Variants in CFAP96 observed in about 807,000 individuals in gnomAD.
The protein encoded by CFAP96 is cilia and flagella associated protein 96.
At chr4:185,425,285 T>C in the CFAP96 span, among the ~76,000 whole-genome samples, 2 of 152,008 alleles carry the variant, frequency 1.3e-5, no homozygotes, top group Non-Finnish European at 2.9e-5. Flanking sequence ...GAAGTGGAAA[T>C]GCTCAGTTTG....
chr4:185,418,886 C>A, the CFAP96 span: 1 of 784,134 alleles, frequency 1.3e-6, no homozygotes, highest in Non-Finnish European at 1.8e-6. Flanking sequence ...TCCCCATATT[C>A]AATAATAATT....
the CFAP96 span, among the ~76,000 whole-genome samples, chr4:185,428,556 TA>T: frequency 0.24 from 34,205 of 143,160 alleles, 4,809 homozygotes; most frequent in African/African-American, 0.41. Context: ...TGGGACTGTC[TA>T]AAAAAAAAAA....
the CFAP96 span, chr4:185,415,350 G>A: frequency 6.4e-7 from 1 of 1,567,686 alleles, no homozygotes; most frequent in Non-Finnish European, 8.6e-7. Flanking sequence ...TACGAACTCT[G>A]TGGGGGGAAA....
At chr4:185,448,036 T>C in the CFAP96 span, among the ~76,000 whole-genome samples, 512 of 152,308 alleles carry the variant, frequency 3.4e-3, 3 homozygotes, top group Admixed American at 5.8e-3. Flanking sequence ...TTTTCCTTTT[T>C]TGAGATGGAG....
chr4:185,438,107 A>T, the CFAP96 span, among the ~76,000 whole-genome samples: 1 of 151,050 alleles, frequency 6.6e-6, no homozygotes, highest in Non-Finnish European at 1.5e-5. Flanking sequence ...AGCTTCTTGG[A>T]TCTATGGGTT....
the CFAP96 span, chr4:185,445,491 C>T: frequency 6.9e-5 from 108 of 1,565,832 alleles, 2 homozygotes; most frequent in South Asian, 3.8e-4. Context: ...TCTTAGCAAT[C>T]TTGAGGAATC....
chr4:185,445,137 A>C, the CFAP96 span: 3 of 1,550,468 alleles, frequency 1.9e-6, no homozygotes, highest in Non-Finnish European at 2.6e-6. Flanking sequence ...GAAGGTGGGA[A>C]TATCTTACAC....
the CFAP96 span, chr4:185,416,051 G>A: frequency 2.3e-6 from 1 of 444,156 alleles, no homozygotes; most frequent in Non-Finnish European, 3.9e-6. Flanking sequence ...GGCTGTGAAT[G>A]ATCAACTGAG....
At chr4:185,430,362 G>C in the CFAP96 span, among the ~76,000 whole-genome samples, 1 of 152,202 alleles carries the variant, frequency 6.6e-6, no homozygotes, top group Non-Finnish European at 1.5e-5. Flanking sequence ...AAAAAAGCAA[G>C]GTGCAGAATA....
the CFAP96 span, among the ~76,000 whole-genome samples, chr4:185,425,679 A>AG: frequency 6.6e-6 from 1 of 152,220 alleles, no homozygotes; most frequent in Non-Finnish European, 1.5e-5. Flanking sequence ...ACACTTGTGT[A>AG]GGGCACTTTC....
chr4:185,429,760 C>T, the CFAP96 span, among the ~76,000 whole-genome samples: 38 of 152,232 alleles, frequency 2.5e-4, 1 homozygote, highest in South Asian at 6.4e-3. Flanking sequence ...GTCTCAAACT[C>T]CTGGGCTCAA....
the CFAP96 span, among the ~76,000 whole-genome samples, chr4:185,439,116 A>T: frequency 3.9e-5 from 6 of 152,240 alleles, no homozygotes; most frequent in Non-Finnish European, 2.9e-5. Flanking sequence ...ATGCATGAGA[A>T]TCACTGTTAA....
chr4:185,431,941 A>T, the CFAP96 span: 1 of 1,406,026 alleles, frequency 7.1e-7, no homozygotes, highest in Non-Finnish European at 9.7e-7. Flanking sequence ...TTTAATTGCT[A>T]GTCAGCTCAA....
the CFAP96 span, among the ~76,000 whole-genome samples, chr4:185,408,927 G>A: frequency 0.073 from 11,117 of 151,896 alleles, 657 homozygotes; most frequent in African/African-American, 0.15. Context: ...TCCTCTTTAT[G>A]TTTTTATTTT....
chr4:185,424,965 G>A, the CFAP96 span, among the ~76,000 whole-genome samples: 1 of 152,202 alleles, frequency 6.6e-6, no homozygotes, highest in Non-Finnish European at 1.5e-5. Flanking sequence ...TCTGAAGGGT[G>A]AGTGAAGGTG....
At chr4:185,412,761 C>T in the CFAP96 span, among the ~76,000 whole-genome samples, 3 of 152,130 alleles carry the variant, frequency 2.0e-5, no homozygotes, top group South Asian at 6.2e-4. Flanking sequence ...AAGGTATCCA[C>T]GGAGTCCTTG....
the CFAP96 span, among the ~76,000 whole-genome samples, chr4:185,431,750 CAG>C: frequency 2.6e-5 from 4 of 152,206 alleles, no homozygotes; most frequent in East Asian, 1.9e-4. Flanking sequence ...CTCTAAAACT[CAG>C]AGTGTATAAG....
At chr4:185,413,883 T>TCATC in the CFAP96 span, 9 of 1,581,622 alleles carry the variant, frequency 5.7e-6, no homozygotes, top group Non-Finnish European at 3.4e-6. Context: ...CTAAAATAAA[T>TCATC]CAGAATCAAC....
the CFAP96 span, chr4:185,445,635 T>C: frequency 1.3e-6 from 1 of 789,208 alleles, no homozygotes; most frequent in Non-Finnish European, 2.0e-6. Flanking sequence ...TCTTAAAACT[T>C]CAATTTTATC....
Sources: allele counts gnomAD v4.1 joint callset (sites outside exome capture counted in the v4.1 genomes callset), GRCh38; gene constraint gnomAD v4.1.1; transcripts MANE v1.5; gene names NCBI Gene and HGNC (gene_info 2026-07-23, HGNC 2026-07-21).